The following CYRIB variants were observed in gnomAD, a reference collection of about 807,000 sequenced individuals.
The protein encoded by CYRIB is CYFIP related Rac1 interactor B.
CYRIB carries 8 observed loss-of-function variants against 44.2 expected under a neutral mutation model. That is an observed-to-expected ratio of 0.18 (90% CI 0.11 to 0.33). The LOEUF is 0.33. Among genes scored for constraint, CYRIB ranks in the 10% least tolerant of loss-of-function variants. The pLI, the probability that CYRIB is intolerant of heterozygous loss-of-function variation, is 1.00. For synonymous variants in CYRIB, 131 were observed against 127.2 expected (o/e 1.03, Z -0.20); for missense variants, 185 against 382.8 (o/e 0.48, Z 4.31).
intron 2 of CYRIB, chr8:129,901,605 G>A (rs1472177652): frequency 6.6e-6 from 1 of 152,168 alleles, no homozygotes; most frequent in African/African-American, 2.4e-5. Context: ...CACTAACTGA[G>A]GTTCTTAATA....
At chr8:129,952,434 T>TTA (rs1319155489) in intron 2 of CYRIB, among the ~76,000 whole-genome samples, 67 of 152,052 alleles carry the variant, frequency 4.4e-4, no homozygotes, top group Non-Finnish European at 5.9e-5. Flanking sequence ...AAGTTATATA[T>TTA]AATAGAATGC....
intron 9 of CYRIB, chr8:129,850,148 G>GT (rs1176062187): frequency 6.6e-6 from 1 of 152,204 alleles, no homozygotes; most frequent in Non-Finnish European, 1.5e-5. Flanking sequence ...ATTTCATAAG[G>GT]TTTTCCAATG....
chr8:129,877,923 C>A (rs184690381), intron 3 of CYRIB, among the ~76,000 whole-genome samples: 21 of 152,158 alleles, frequency 1.4e-4, no homozygotes, highest in Admixed American at 3.3e-4. Flanking sequence ...CAGAAAAAGA[C>A]ACAAGACCAA....
chr8:129,922,307 C>T (rs1029203175), intron 1 of CYRIB, among the ~76,000 whole-genome samples: 1 of 152,082 alleles, frequency 6.6e-6, no homozygotes, highest in Non-Finnish European at 1.5e-5. Flanking sequence ...ATTCCAGTCT[C>T]GAATAGAAAA....
intron 1 of CYRIB, among the ~76,000 whole-genome samples, chr8:129,904,806 GC>G (rs1231218894): frequency 2.0e-5 from 3 of 152,134 alleles, no homozygotes; most frequent in African/African-American, 7.2e-5. Context: ...AGATTCTGTT[GC>G]CTGAGCATTA....
upstream of CYRIB, among the ~76,000 whole-genome samples, chr8:129,942,351 A>G (rs530651878): frequency 1.9e-4 from 29 of 152,258 alleles, 1 homozygote; most frequent in African/African-American, 6.5e-4. Context: ...AATAATAATA[A>G]TAACAAAATA....
chr8:129,916,859 A>G (rs2081055032), intron 1 of CYRIB, among the ~76,000 whole-genome samples: 1 of 152,250 alleles, frequency 6.6e-6, no homozygotes, highest in South Asian at 2.1e-4. Context: ...AGCATAGCAT[A>G]TATAGGTAGA....
chr8:129,873,323 T>C (rs138514151), intron 3 of CYRIB, among the ~76,000 whole-genome samples: 264 of 152,078 alleles, frequency 1.7e-3, no homozygotes, highest in African/African-American at 6.1e-3. Flanking sequence ...TGCAACTAAA[T>C]GGTTAGCTTT....
At chr8:129,928,903 A>G (rs541747138) in intron 1 of CYRIB, among the ~76,000 whole-genome samples, 46 of 152,354 alleles carry the variant, frequency 3.0e-4, no homozygotes, top group African/African-American at 1.0e-3. Flanking sequence ...TAAAAATTAT[A>G]TAAGTTTTCC....
chr8:129,962,734 C>T (rs1591275017), intron 2 of CYRIB, among the ~76,000 whole-genome samples: 1 of 152,216 alleles, frequency 6.6e-6, no homozygotes, highest in East Asian at 1.9e-4. Context: ...TATTGCATAA[C>T]CAGCTCGCAG....
At chr8:129,848,879 T>C (rs922596437) in intron 10 of CYRIB, among the ~76,000 whole-genome samples, 1 of 152,194 alleles carries the variant, frequency 6.6e-6, no homozygotes, top group Non-Finnish European at 1.5e-5. Context: ...GCAGCACTAC[T>C]GACTTTTTAT....
chr8:129,849,620 G>T, intron 9 of CYRIB: 1 of 335,604 alleles, frequency 3.0e-6, no homozygotes, highest in Admixed American at 4.6e-5. Context: ...ATGCTGACTT[G>T]CCCCTTTGAT....
intron 1 of CYRIB, among the ~76,000 whole-genome samples, chr8:129,981,919 G>GA (rs1280388484): frequency 2.0e-5 from 3 of 152,228 alleles, no homozygotes; most frequent in African/African-American, 7.2e-5. Context: ...AGCTATAGGT[G>GA]AAGGACACCA....
chr8:130,006,607 C>CACACACAT (rs1359122569), intron 1 of CYRIB, among the ~76,000 whole-genome samples: 4 of 7,136 alleles, frequency 5.6e-4, no homozygotes, highest in African/African-American at 1.6e-3. Flanking sequence ...TATATATATA[C>CACACACAT]ATATATATGT....
intron 1 of CYRIB, among the ~76,000 whole-genome samples, chr8:129,916,181 A>C (rs1201326308): frequency 6.6e-6 from 1 of 152,112 alleles, no homozygotes; most frequent in Non-Finnish European, 1.5e-5. Flanking sequence ...TTCTTCTACA[A>C]AGGCTTCTAT....
chr8:129,987,586 A>C (rs955259993), intron 1 of CYRIB, among the ~76,000 whole-genome samples: 1 of 39,442 alleles, frequency 2.5e-5, no homozygotes, highest in African/African-American at 9.5e-5. Flanking sequence ...TTTTTTTTTT[A>C]TGAGACTGAG....
intron 2 of CYRIB, among the ~76,000 whole-genome samples, chr8:129,881,279 C>G (rs1354479520): frequency 6.6e-6 from 1 of 152,168 alleles, no homozygotes; most frequent in Non-Finnish European, 1.5e-5. Context: ...GGGAGGCAAA[C>G]TATGGTATCA....
At chr8:129,984,358 C>A (rs1191290631) in intron 1 of CYRIB, among the ~76,000 whole-genome samples, 1 of 152,116 alleles carries the variant, frequency 6.6e-6, no homozygotes, top group Non-Finnish European at 1.5e-5. Context: ...CTCTTCCCCA[C>A]CCACTGAGCA....
intron 5 of CYRIB, among the ~76,000 whole-genome samples, chr8:129,859,818 C>G (rs1418549529): frequency 1.3e-5 from 2 of 152,162 alleles, no homozygotes; most frequent in African/African-American, 2.4e-5. Flanking sequence ...AGATCTATAT[C>G]TGGTATAACT....
Sources: allele counts gnomAD v4.1 joint callset (sites outside exome capture counted in the v4.1 genomes callset), GRCh38; gene constraint gnomAD v4.1.1; transcripts MANE v1.5; gene names NCBI Gene and HGNC (gene_info 2026-07-23, HGNC 2026-07-21).